PSMA3: variants seen among roughly 807,000 people sequenced by gnomAD.
PSMA3 encodes proteasome subunit alpha type-3.
Under a neutral mutation model 40.0 loss-of-function variants are expected in PSMA3, and 8 were observed. The ratio of observed to expected loss-of-function variants is 0.20; its 90% CI spans 0.12 to 0.36. PSMA3 has a LOEUF of 0.36. Ranked by LOEUF, PSMA3 falls within the 10% of genes least tolerant of loss-of-function variation. The probability of loss-of-function intolerance (pLI) is 1.00; values close to 1 mark genes in which losing one functional copy is unlikely to be tolerated. For synonymous variants in PSMA3, 110 were observed against 100.0 expected, an observed-to-expected ratio of 1.10 and a Z score of -0.59; for missense variants, 219 against 310.6, an observed-to-expected ratio of 0.70 and a Z score of 2.22.
chr14:58,262,982 A>C (rs1890326379), intron 6 of PSMA3, among the ~76,000 whole-genome samples: 1 of 141,548 alleles, frequency 7.1e-6, no homozygotes, highest in Admixed American at 7.2e-5. Context: ...ATATGTGTAC[A>C]TCCTTTTTTT....
At position 58,270,404 on chromosome 14, in the gene PSMA3, CT is replaced by C. The variant is rs1287868211; in HGVS notation, c.591-10del. ...GAGGTTACCAAAATCTTACCTTTCC[CT>C]TTTCTATTCTAGAATTTACATAGTA... On this transcript the variant is annotated splice_polypyrimidine_tract_variant and intron_variant, in intron 8 of 10. Coordinates refer to ENST00000216455, the MANE Select transcript of PSMA3 (RefSeq NM_002788.4). 9.9e-6 allele frequency: 16 copies of C among 1,612,668 alleles called. No individual in the cohort carries two copies. The highest frequency in any genetic ancestry group is 8.5e-7 in the Non-Finnish European group (1 of 1,179,378).
At chr14:58,247,646 T>C in intron 1 of PSMA3, 104 bp from the exon 2 acceptor site, 1 of 701,066 alleles carries the variant, frequency 1.4e-6, no homozygotes, top group East Asian at 2.6e-5. Flanking sequence ...AGGTCTTTGT[T>C]GGGATATAAC....
intron 3 of PSMA3, among the ~76,000 whole-genome samples, chr14:58,255,208 CAT>C (rs1890116808): frequency 2.0e-5 from 3 of 151,130 alleles, no homozygotes; most frequent in Admixed American, 6.6e-5. Flanking sequence ...TAAATACACA[CAT>C]AGTGAAAAAT....
intron 2 of PSMA3, among the ~76,000 whole-genome samples, chr14:58,248,409 T>C (rs926882907): frequency 1.3e-5 from 2 of 152,052 alleles, no homozygotes; most frequent in African/African-American, 4.8e-5. Context: ...TTTGCATTTT[T>C]AGTAGAGACG....
chr14:58,265,899 A>G (rs1329154426), intron 7 of PSMA3: 1 of 152,164 alleles, frequency 6.6e-6, no homozygotes, highest in Non-Finnish European at 1.5e-5. Flanking sequence ...TTAACCACTT[A>G]CACATCCCCC....
At chr14:58,258,230 G>A in intron 5 of PSMA3, 1 of 442,082 alleles carries the variant, frequency 2.3e-6, no homozygotes. Flanking sequence ...TCGCGCCCAG[G>A]AGTATGAGAC....
chr14:58,251,216 A>T (rs1890003512), intron 2 of PSMA3, among the ~76,000 whole-genome samples: 2 of 152,256 alleles, frequency 1.3e-5, no homozygotes, highest in African/African-American at 4.8e-5. Flanking sequence ...AAAAAGGAAT[A>T]GAAGAATAAA....
chr14:58,256,313 A>G (rs1254962013), intron 3 of PSMA3, among the ~76,000 whole-genome samples: 1 of 152,096 alleles, frequency 6.6e-6, no homozygotes, highest in Admixed American at 6.6e-5. Context: ...GACCAGCAGT[A>G]TATCGGATAT....
intron 1 of PSMA3, 148 bp downstream of exon 1, chr14:58,245,089 C>A: frequency 3.1e-6 from 3 of 973,876 alleles, no homozygotes; most frequent in South Asian, 2.7e-5. Flanking sequence ...GGAGACCGGT[C>A]GTCTTTATCC....
chr14:58,249,411 A>C (rs1889952656), intron 2 of PSMA3, among the ~76,000 whole-genome samples: 1 of 152,096 alleles, frequency 6.6e-6, no homozygotes, highest in Non-Finnish European at 1.5e-5. Flanking sequence ...GCTGGTCTTG[A>C]ACTTTTGGGC....
chr14:58,269,107 G>T (rs940877088), intron 8 of PSMA3, among the ~76,000 whole-genome samples: 2 of 151,966 alleles, frequency 1.3e-5, no homozygotes, highest in Non-Finnish European at 2.9e-5. Flanking sequence ...GCTAATTTTT[G>T]TATTTTTAGT....
intron 3 of PSMA3, 103 bp from the exon 4 acceptor site, chr14:58,257,642 T>A (rs1890175111): frequency 1.0e-6 from 1 of 991,484 alleles, no homozygotes; most frequent in African/African-American, 1.6e-5. Flanking sequence ...TTATTTTGAA[T>A]GGTAATACTT....
chr14:58,244,873 A>G lies in PSMA3; in HGVS notation c.-48A>G. ...TTTGCGGCATCCTGTGGTATAGGGGAAGCGCTCCGGGCCTGGAATCCCTAC... is the reference window on the plus strand; with the variant it reads ...TTTGCGGCATCCTGTGGTATAGGGGGAGCGCTCCGGGCCTGGAATCCCTAC... On this transcript the variant is annotated 5_prime_UTR_variant, in exon 1 of 11. Transcript: ENST00000216455. The G allele has an allele frequency of 6.2e-7, 1 of 1,614,030 alleles. No homozygotes were observed.
chr14:58,245,177 C>T, intron 1 of PSMA3: 1 of 558,632 alleles, frequency 1.8e-6, no homozygotes, highest in Admixed American at 3.0e-5. Flanking sequence ...CTTGGCGTCG[C>T]CGCAGTGAGG....
At chr14:58,260,071 A>C (rs879546071) in intron 5 of PSMA3, among the ~76,000 whole-genome samples, 4 of 152,190 alleles carry the variant, frequency 2.6e-5, no homozygotes, top group Non-Finnish European at 5.9e-5. Flanking sequence ...ATATAAGATG[A>C]TGTGTAAGAT....
intron 7 of PSMA3, chr14:58,266,647 C>T (rs370317969): frequency 1.3e-5 from 2 of 152,190 alleles, no homozygotes; most frequent in Admixed American, 1.3e-4. Context: ...CTGCTTTACA[C>T]GTTCATCTTT....
chr14:58,251,296 G>T (rs984998970), intron 2 of PSMA3, among the ~76,000 whole-genome samples: 4 of 152,220 alleles, frequency 2.6e-5, no homozygotes, highest in African/African-American at 9.6e-5. Context: ...TTGTGTGTGT[G>T]TGTGTTTGAG....
intron 7 of PSMA3, among the ~76,000 whole-genome samples, chr14:58,264,357 G>A (rs905155641): frequency 6.6e-6 from 1 of 152,146 alleles, no homozygotes; most frequent in African/African-American, 2.4e-5. Flanking sequence ...AAGGCATAAA[G>A]CCTACACTCT....
chr14:58,251,101 TAAAA>T (rs888204330), intron 2 of PSMA3, among the ~76,000 whole-genome samples: 2 of 151,658 alleles, frequency 1.3e-5, no homozygotes, highest in African/African-American at 4.8e-5. Context: ...TCTTTAAAAT[TAAAA>T]AAAAGAAGAA....
Sources: gnomAD v4.1 joint callset for allele counts (sites outside exome capture counted in the v4.1 genomes callset) on GRCh38, gnomAD v4.1.1 for gene constraint, MANE v1.5 for transcripts, NCBI Gene and HGNC (gene_info 2026-07-23, HGNC 2026-07-21) for gene names.